ZMAT4: variants seen among roughly 807,000 people sequenced by gnomAD.
ZMAT4 encodes the protein zinc finger matrin-type 4.
A neutral mutation model predicts 28.7 loss-of-function variants in ZMAT4; 17 were observed. The ratio of observed to expected loss-of-function variants is 0.59; its 90% confidence interval spans 0.41 to 0.89. The LOEUF is 0.89. Ranked by LOEUF, ZMAT4 falls within the 40% of genes least tolerant of loss-of-function variation. The pLI is 0.00. For synonymous variants in ZMAT4, 117 were observed against 109.2 expected, an observed-to-expected ratio of 1.07 and a Z score of -0.44; for missense variants, 240 against 283.8, an observed-to-expected ratio of 0.85 and a Z score of 1.11.
At chr8:40,835,762 A>T (rs573948839) in intron 1 of ZMAT4, among the ~76,000 whole-genome samples, 1 of 152,266 alleles carries the variant, frequency 6.6e-6, no homozygotes, top group South Asian at 2.1e-4. Context: ...AGGGAAAACT[A>T]TTATTTTTAT....
intron 1 of ZMAT4, among the ~76,000 whole-genome samples, chr8:40,833,964 C>T (rs999764082): frequency 6.6e-6 from 1 of 152,196 alleles, no homozygotes; most frequent in African/African-American, 2.4e-5. Context: ...GAGAGAGAGG[C>T]AGAGGGAGAG....
intron 5 of ZMAT4, among the ~76,000 whole-genome samples, chr8:40,653,038 C>G (rs976154823): frequency 1.3e-5 from 2 of 151,794 alleles, no homozygotes; most frequent in African/African-American, 4.8e-5. Flanking sequence ...ACATATGTAA[C>G]TAACCTGCAC....
intron 3 of ZMAT4, among the ~76,000 whole-genome samples, chr8:40,749,815 T>A (rs185584435): frequency 6.6e-6 from 1 of 152,352 alleles, no homozygotes; most frequent in East Asian, 1.9e-4. Context: ...TTAGGTGACC[T>A]CACTTTTGAT....
chr8:40,797,934 G>A (rs539044532), intron 2 of ZMAT4, among the ~76,000 whole-genome samples: 3 of 152,298 alleles, frequency 2.0e-5, no homozygotes, highest in South Asian at 4.1e-4. Flanking sequence ...AGGCAATTAA[G>A]CCAGGGCACT....
At chr8:40,627,050 C>T (rs986222157) in intron 5 of ZMAT4, among the ~76,000 whole-genome samples, 4 of 152,188 alleles carry the variant, frequency 2.6e-5, no homozygotes, top group African/African-American at 9.6e-5. Context: ...GCATGGCCAT[C>T]ATCTACCTTT....
intron 3 of ZMAT4, among the ~76,000 whole-genome samples, chr8:40,719,578 T>C (rs1245459578): frequency 2.0e-5 from 3 of 151,942 alleles, no homozygotes; most frequent in Admixed American, 2.0e-4. Context: ...TTTTTTTGTT[T>C]TTTGTTTTTT....
chr8:40,541,298 C>T (rs142635176), intron 6 of ZMAT4, among the ~76,000 whole-genome samples: 2 of 152,138 alleles, frequency 1.3e-5, no homozygotes, highest in African/African-American at 4.8e-5. Flanking sequence ...AAGAGTAGCC[C>T]TGGTTTTACC....
At chr8:40,827,222 T>C (rs1002102203) in intron 1 of ZMAT4, among the ~76,000 whole-genome samples, 2 of 152,136 alleles carry the variant, frequency 1.3e-5, no homozygotes. Context: ...TTCCCCCATA[T>C]AAAAATTGAG....
intron 1 of ZMAT4, among the ~76,000 whole-genome samples, chr8:40,881,594 G>GAAAAGA (rs1219760129): frequency 9.2e-6 from 1 of 108,522 alleles, no homozygotes; most frequent in Non-Finnish European, 2.0e-5. Flanking sequence ...AAGAAAGAAA[G>GAAAAGA]AAAGAAAAGA....
At chr8:40,734,684 G>A (rs535895733) in intron 3 of ZMAT4, among the ~76,000 whole-genome samples, 233 of 152,240 alleles carry the variant, frequency 1.5e-3, no homozygotes, top group African/African-American at 5.5e-3. Flanking sequence ...TAAAATGAAT[G>A]TCAAAGGGAA....
chr8:40,599,076 T>C (rs1563358374), intron 5 of ZMAT4, among the ~76,000 whole-genome samples: 1 of 152,196 alleles, frequency 6.6e-6, no homozygotes, highest in Non-Finnish European at 1.5e-5. Context: ...TTGACCCCTA[T>C]TCTAAAATAC....
At chr8:40,793,310 T>A (rs1327428115) in intron 2 of ZMAT4, among the ~76,000 whole-genome samples, 1 of 152,222 alleles carries the variant, frequency 6.6e-6, no homozygotes, top group Non-Finnish European at 1.5e-5. Context: ...AACCCTACTT[T>A]GCCTTTCATT....
chr8:40,762,491 A>G (rs1043730685), intron 3 of ZMAT4, among the ~76,000 whole-genome samples: 10 of 151,856 alleles, frequency 6.6e-5, no homozygotes, highest in African/African-American at 2.2e-4. Flanking sequence ...CATCTCTACA[A>G]ATTTTTTTTT....
chr8:40,643,333 C>A (rs1406436836), intron 5 of ZMAT4, among the ~76,000 whole-genome samples: 1 of 152,182 alleles, frequency 6.6e-6, no homozygotes, highest in African/African-American at 2.4e-5. Flanking sequence ...GAGGAGATGT[C>A]TCATACTGAA....
At chr8:40,895,096 A>G (rs569286898) in intron 1 of ZMAT4, among the ~76,000 whole-genome samples, 1 of 152,316 alleles carries the variant, frequency 6.6e-6, no homozygotes, top group East Asian at 1.9e-4. Context: ...TTTGCCAGGT[A>G]ACTCACGCAG....
chr8:40,873,175 G>A (rs1817923698), intron 1 of ZMAT4, among the ~76,000 whole-genome samples: 1 of 152,208 alleles, frequency 6.6e-6, no homozygotes, highest in African/African-American at 2.4e-5. Context: ...TGTGTCACCT[G>A]ATTGGCAACC....
At chr8:40,626,608 T>C (rs775884684) in intron 5 of ZMAT4, among the ~76,000 whole-genome samples, 4 of 152,158 alleles carry the variant, frequency 2.6e-5, no homozygotes, top group Non-Finnish European at 4.4e-5. Context: ...TTAGCAATGT[T>C]GGTTAGTTAG....
At chr8:40,627,231 G>C (rs1429605775) in intron 5 of ZMAT4, among the ~76,000 whole-genome samples, 3 of 152,208 alleles carry the variant, frequency 2.0e-5, no homozygotes, top group African/African-American at 7.2e-5. Context: ...TTCTATTAGA[G>C]AGGCTGAGAT....
intron 1 of ZMAT4, among the ~76,000 whole-genome samples, chr8:40,856,889 T>A (rs1817318346): frequency 6.6e-6 from 1 of 152,126 alleles, no homozygotes; most frequent in Admixed American, 6.6e-5. Flanking sequence ...AGTCTGCCAC[T>A]GGAAAGGGAT....
Sources: gnomAD v4.1 joint callset for allele counts (sites outside exome capture counted in the v4.1 genomes callset) on GRCh38, gnomAD v4.1.1 for gene constraint, MANE v1.5 for transcripts, NCBI Gene and HGNC (gene_info 2026-07-23, HGNC 2026-07-21) for gene names.